VTI1A: variants seen among roughly 807,000 people sequenced by gnomAD.
VTI1A encodes the protein vesicle transport through interaction with t-SNAREs homolog 1A.
A neutral mutation model predicts 34.9 loss-of-function variants in VTI1A; 22 were observed. That is an observed-to-expected ratio of 0.63 (90% CI 0.45 to 0.90). The LOEUF is 0.90. Ranked by LOEUF, VTI1A falls within the 40% of genes least tolerant of loss-of-function variation. The pLI, the probability that VTI1A is intolerant of heterozygous loss-of-function variation, is 0.00. For synonymous variants in VTI1A, 87 were observed against 97.3 expected (o/e 0.89, Z 0.62); for missense variants, 268 against 275.6 (o/e 0.97, Z 0.20).
At chr10:112,571,062 C>T (rs1852098680) in intron 5 of VTI1A, among the ~76,000 whole-genome samples, 1 of 152,192 alleles carries the variant, frequency 6.6e-6, no homozygotes, top group South Asian at 2.1e-4. Flanking sequence ...CCTGTGTTAT[C>T]TTTATCTTCA....
At chr10:112,623,375 A>G (rs1282793841) in intron 5 of VTI1A, among the ~76,000 whole-genome samples, 3 of 151,876 alleles carry the variant, frequency 2.0e-5, no homozygotes, top group African/African-American at 7.3e-5. Flanking sequence ...AAGTCAGGGC[A>G]TGTGTGTATG....
At chr10:112,679,464 A>C (rs961910927) in intron 7 of VTI1A, among the ~76,000 whole-genome samples, 1 of 151,950 alleles carries the variant, frequency 6.6e-6, no homozygotes, top group African/African-American at 2.4e-5. Context: ...TTTTGACAAC[A>C]TGGAAGCTGA....
At chr10:112,546,466 G>A (rs1851133889) in intron 5 of VTI1A, among the ~76,000 whole-genome samples, 1 of 152,006 alleles carries the variant, frequency 6.6e-6, no homozygotes, top group Non-Finnish European at 1.5e-5. Flanking sequence ...ATATGGCTAT[G>A]TCTGTTAATT....
intron 5 of VTI1A, among the ~76,000 whole-genome samples, chr10:112,563,711 A>G (rs1340885698): frequency 6.6e-6 from 1 of 152,212 alleles, no homozygotes; most frequent in African/African-American, 2.4e-5. Flanking sequence ...GCACCAATAT[A>G]TTTTTACACA....
intron 7 of VTI1A, among the ~76,000 whole-genome samples, chr10:112,782,244 A>G (rs191286182): frequency 1.3e-5 from 2 of 152,368 alleles, no homozygotes; most frequent in East Asian, 1.9e-4. Context: ...GTCCAGGGCC[A>G]TTTCACTGGC....
chr10:112,538,194 A>AG lies in VTI1A; in HGVS notation c.343-51dup, dbSNP rs1850721084. The stretch of plus-strand genomic sequence containing the variant: ...GCATTTTTTTTTTAAGGCAAAAAAA[A>AG]GAACATTGTAGACGGCCGTCTGATT... On this transcript the variant is annotated intron_variant, in intron 4 of 7. Coordinates refer to ENST00000393077, the MANE Select transcript of VTI1A (RefSeq NM_145206.4). 4.6e-6 allele frequency: 7 copies of AG among 1,537,858 alleles called. No individual in the cohort carries two copies. In the South Asian group the frequency reaches 5.7e-5, roughly 13 times the overall value.
At chr10:112,662,989 G>A (rs1030249360) in intron 5 of VTI1A, among the ~76,000 whole-genome samples, 4 of 152,180 alleles carry the variant, frequency 2.6e-5, no homozygotes, top group African/African-American at 9.7e-5. Context: ...TGGTTGATCT[G>A]CAGTTGCAGA....
At position 112,624,298 on chromosome 10, in the gene VTI1A, GA is replaced by G. The variant is rs980816511; in HGVS notation, c.428-43912del. 1.0e-3 allele frequency among the ~76,000 whole-genome samples: 156 copies of G among 151,624 alleles called. 1 individual carries two copies. The highest frequency in any genetic ancestry group is 5.8e-3 in the Admixed American group (88 of 15,250). ...TAGTCTAGAATGAAATGTGAAGGGG[GA>G]AAAAAAAGTATGAAATGAGCCATTG... On this transcript the variant is annotated intron_variant, in intron 5 of 7. Transcript: ENST00000393077.
At chr10:112,738,879 T>C (rs1425934139) in intron 7 of VTI1A, among the ~76,000 whole-genome samples, 1 of 152,206 alleles carries the variant, frequency 6.6e-6, no homozygotes, top group Non-Finnish European at 1.5e-5. Context: ...ATCTGGTCCC[T>C]GAATCTTATG....
chr10:112,459,493 G>T (rs1847656917), intron 1 of VTI1A, among the ~76,000 whole-genome samples: 1 of 152,170 alleles, frequency 6.6e-6, no homozygotes, highest in Non-Finnish European at 1.5e-5. Flanking sequence ...GATTAGTCCA[G>T]CTAGGATTAG....
At chr10:112,647,325 G>A (rs1321750105) in intron 5 of VTI1A, among the ~76,000 whole-genome samples, 3 of 152,124 alleles carry the variant, frequency 2.0e-5, no homozygotes, top group Non-Finnish European at 2.9e-5. Flanking sequence ...CCTGTAGAGT[G>A]GGGAAGATTG....
intron 5 of VTI1A, among the ~76,000 whole-genome samples, chr10:112,548,356 A>G (rs1851215395): frequency 6.6e-6 from 1 of 152,054 alleles, no homozygotes; most frequent in Non-Finnish European, 1.5e-5. Context: ...TCTGTGACAG[A>G]TTTTTGGTCA....
the VTI1A span, among the ~76,000 whole-genome samples, chr10:112,835,276 C>T: frequency 6.6e-6 from 1 of 152,182 alleles, no homozygotes; most frequent in Non-Finnish European, 1.5e-5. Context: ...GATTACTTGT[C>T]AGTTTCCAAA....
chr10:112,661,668 A>G (rs1336437903), intron 5 of VTI1A, among the ~76,000 whole-genome samples: 1 of 151,744 alleles, frequency 6.6e-6, no homozygotes, highest in East Asian at 1.9e-4. Flanking sequence ...CACCTTGGAA[A>G]GTTGTTCCAT....
rs968626924 is a variant in VTI1A, at chr10:112,617,436, A to G, written c.428-50782A>G. Among the ~76,000 whole-genome samples the G allele has an allele frequency of 4.6e-5, 7 of 152,132 alleles. 1 individual carries two copies. The highest frequency in any genetic ancestry group is 4.6e-4 in the Admixed American group (7 of 15,280). On this transcript the variant is annotated intron_variant, in intron 5 of 7. Transcript: ENST00000393077. ...CCAGAAGGAAGATAGAAGATATAAA[A>G]ATGAAAACTGAATGAGAAATTACTA...
At chr10:112,826,427 G>A in the VTI1A span, 3 of 152,324 alleles carry the variant, frequency 2.0e-5, no homozygotes, top group East Asian at 5.8e-4. Flanking sequence ...TAGAAATGAA[G>A]TCTAAAAGCA....
At chr10:112,567,256 T>G (rs914429790) in intron 5 of VTI1A, among the ~76,000 whole-genome samples, 3 of 152,186 alleles carry the variant, frequency 2.0e-5, no homozygotes, top group Non-Finnish European at 4.4e-5. Flanking sequence ...CTCGAACTCC[T>G]GGGCTGAAGT....
rs1850502447 is a variant in VTI1A at position 112,736,915 on chromosome 10, G to C, written c.560+67917G>C. The stretch of plus-strand genomic sequence containing the variant: ...GTATTTATAGATGCGCAGTGCATGA[G>C]TACTTGGCAAGGATGCTATCAAAGG... On this transcript the variant is annotated intron_variant, in intron 7 of 7. Coordinates refer to ENST00000393077, the MANE Select transcript of VTI1A (RefSeq NM_145206.4). 24 of 662,054 alleles carry C rather than the reference G, an allele frequency of 3.6e-5. No homozygotes were observed. The South Asian group carries it at 3.9e-4, about 11-fold the overall frequency. The allele number at this position is 662,054 out of a possible 1,614,324, so 41.0% of individuals were successfully genotyped here. A position where few individuals can be genotyped will look rare whatever the true frequency, so the allele number is the denominator to read the frequency against.
intron 7 of VTI1A, among the ~76,000 whole-genome samples, chr10:112,809,376 G>A (rs1240068923): frequency 6.6e-6 from 1 of 152,238 alleles, no homozygotes; most frequent in East Asian, 1.9e-4. Flanking sequence ...GAAGTGCCTA[G>A]AGAGAAGCAG....
Sources: allele counts gnomAD v4.1 joint callset (sites outside exome capture counted in the v4.1 genomes callset), GRCh38; gene constraint gnomAD v4.1.1; transcripts MANE v1.5; gene names NCBI Gene and HGNC (gene_info 2026-07-23, HGNC 2026-07-21).